AFAP1L2: variants seen among roughly 807,000 people sequenced by gnomAD.
AFAP1L2 encodes actin filament-associated protein 1-like 2.
A neutral mutation model predicts 99.3 loss-of-function variants in AFAP1L2; 46 were observed. That is an observed-to-expected ratio of 0.46 (90% confidence interval 0.37 to 0.59). The LOEUF is 0.59. AFAP1L2 is among the 20% of genes least tolerant of loss of function. The probability of loss-of-function intolerance (pLI) is 0.00; values close to 1 mark genes in which losing one functional copy is unlikely to be tolerated. For missense variants in AFAP1L2, 959 were observed against 1,034.9 expected (o/e 0.93, Z 1.01); for synonymous variants, 397 against 419.1 (o/e 0.95, Z 0.64).
At chr10:114,340,917 C>T (rs1041840189) in intron 1 of AFAP1L2, 186 bp from the exon 2 acceptor site, 2 of 738,138 alleles carry the variant, frequency 2.7e-6, no homozygotes, top group Non-Finnish European at 2.2e-6. Context: ...TCCAGGGCCA[C>T]AGGGAGAGAG....
intron 7 of AFAP1L2, among the ~76,000 whole-genome samples, chr10:114,313,331 G>T (rs866609418): frequency 2.5e-4 from 38 of 152,270 alleles, no homozygotes; most frequent in Admixed American, 2.5e-3. Context: ...CACACCCAGG[G>T]ACGCGTGGGC....
intron 18 of AFAP1L2, 198 bp downstream of exon 18, chr10:114,296,780 T>G: frequency 1.3e-6 from 1 of 774,904 alleles, no homozygotes; most frequent in Admixed American, 2.9e-5. Context: ...TCGAACCAAG[T>G]GCAGACACCT....
intron 4 of AFAP1L2, among the ~76,000 whole-genome samples, chr10:114,323,597 G>A (rs757967554): frequency 3.3e-5 from 5 of 152,150 alleles, no homozygotes; most frequent in Admixed American, 6.5e-5. Context: ...GAGAGTGCCC[G>A]GCTGTTGGGA....
Position 114,295,958 on chromosome 10 carries a change from C to T in AFAP1L2, c.*84G>A. ...GCTTTTTCTTCTAAACAGACTCACC[C>T]TTTCGCATAGTTTTTGCTTTAACAA... is the stretch of plus-strand genomic sequence containing the variant. On this transcript the variant is annotated 3_prime_UTR_variant, in exon 19 of 19. Coordinates refer to ENST00000304129, the MANE Select transcript of AFAP1L2 (RefSeq NM_001001936.3). 6.2e-7 allele frequency: 1 copy of T among 1,611,842 alleles called. No homozygotes were observed. The highest frequency in any genetic ancestry group is 8.5e-7 in the Non-Finnish European group (1 of 1,178,590).
chr10:114,358,896 T>C (rs996981789), intron 1 of AFAP1L2, among the ~76,000 whole-genome samples: 1 of 147,146 alleles, frequency 6.8e-6, no homozygotes, highest in East Asian at 2.0e-4. Flanking sequence ...GCCTGGGCAA[T>C]AGGAGCAAGA....
chr10:114,403,708 G>A (rs1201349904), intron 1 of AFAP1L2, among the ~76,000 whole-genome samples: 1 of 152,122 alleles, frequency 6.6e-6, no homozygotes, highest in Non-Finnish European at 1.5e-5. Context: ...CACCCGGGAC[G>A]GCCCGCCCAC....
chr10:114,388,325 T>G (rs1469304109), intron 1 of AFAP1L2, among the ~76,000 whole-genome samples: 6 of 152,002 alleles, frequency 3.9e-5, no homozygotes, highest in Non-Finnish European at 8.8e-5. Context: ...CCTTTGCAAC[T>G]GCCACTGCCT....
chr10:114,293,240 C>G (rs763209869), downstream of AFAP1L2, among the ~76,000 whole-genome samples: 6 of 152,316 alleles, frequency 3.9e-5, no homozygotes, highest in Non-Finnish European at 8.8e-5. Flanking sequence ...AAGACAACGT[C>G]CGGGGCAGGA....
At chr10:114,285,897 A>G in the AFAP1L2 span, 9 of 1,536,686 alleles carry the variant, frequency 5.9e-6, no homozygotes, top group East Asian at 4.5e-5. Context: ...CGCATGCCGC[A>G]TGACCATGGC....
intron 1 of AFAP1L2, among the ~76,000 whole-genome samples, chr10:114,354,318 C>G (rs747337862): frequency 6.6e-6 from 1 of 152,180 alleles, no homozygotes; most frequent in African/African-American, 2.4e-5. Context: ...TTCTGCTGAT[C>G]GTAGCACCTC....
At chr10:114,387,138 A>G (rs2056602152) in intron 1 of AFAP1L2, among the ~76,000 whole-genome samples, 1 of 152,238 alleles carries the variant, frequency 6.6e-6, no homozygotes, top group South Asian at 2.1e-4. Flanking sequence ...AGCAATAGCT[A>G]TGGTAGCACT....
intron 1 of AFAP1L2, among the ~76,000 whole-genome samples, chr10:114,373,497 T>C (rs1427212920): frequency 2.0e-5 from 3 of 151,954 alleles, no homozygotes; most frequent in Non-Finnish European, 4.4e-5. Context: ...TGGTGGTGCA[T>C]GCCTGTAATC....
chr10:114,347,391 A>G (rs1406184681), intron 1 of AFAP1L2, among the ~76,000 whole-genome samples: 1 of 152,262 alleles, frequency 6.6e-6, no homozygotes, highest in Non-Finnish European at 1.5e-5. Context: ...CAAAAATGCA[A>G]AACACTGAGT....
intron 1 of AFAP1L2, among the ~76,000 whole-genome samples, chr10:114,348,813 T>G (rs2049999288): frequency 6.6e-6 from 1 of 152,208 alleles, no homozygotes; most frequent in South Asian, 2.1e-4. Flanking sequence ...GGGTGTGACC[T>G]GGGGCAGCAC....
intron 1 of AFAP1L2, among the ~76,000 whole-genome samples, chr10:114,367,530 G>A (rs1329988423): frequency 6.6e-6 from 1 of 152,194 alleles, no homozygotes; most frequent in African/African-American, 2.4e-5. Flanking sequence ...ATGTGAAAAG[G>A]GTTGTTTGCA....
intron 1 of AFAP1L2, among the ~76,000 whole-genome samples, chr10:114,363,895 C>A (rs1268464532): frequency 6.6e-6 from 1 of 152,202 alleles, no homozygotes; most frequent in Non-Finnish European, 1.5e-5. Context: ...AAACTGAGGT[C>A]TCTGACAGAG....
chr10:114,385,478 G>C (rs761955674), intron 1 of AFAP1L2, among the ~76,000 whole-genome samples: 3 of 152,192 alleles, frequency 2.0e-5, no homozygotes, highest in Non-Finnish European at 4.4e-5. Flanking sequence ...GCTTGATCAA[G>C]CTAGACCAGG....
the AFAP1L2 span, among the ~76,000 whole-genome samples, chr10:114,283,494 G>A: frequency 1.3e-5 from 2 of 152,196 alleles, no homozygotes; most frequent in Admixed American, 1.3e-4. Flanking sequence ...TGAAGCACAG[G>A]AGAATCTGAG....
intron 1 of AFAP1L2, among the ~76,000 whole-genome samples, chr10:114,376,338 A>G (rs914299911): frequency 6.6e-6 from 1 of 152,162 alleles, no homozygotes; most frequent in Non-Finnish European, 1.5e-5. Flanking sequence ...ACAAATCAGT[A>G]TGAAATGTCA....
Sources: gnomAD v4.1 joint callset for allele counts (sites outside exome capture counted in the v4.1 genomes callset) on GRCh38, gnomAD v4.1.1 for gene constraint, MANE v1.5 for transcripts, NCBI Gene and HGNC (gene_info 2026-07-23, HGNC 2026-07-21) for gene names.